ERN1: variants seen among roughly 807,000 people sequenced by gnomAD.
The protein encoded by ERN1 is serine/threonine-protein kinase/endoribonuclease IRE1.
In ERN1, 39 loss-of-function variants were observed where a neutral mutation model predicts 113.1. The ratio of observed to expected loss-of-function variants is 0.34; its 90% CI spans 0.27 to 0.45. ERN1 has a LOEUF of 0.45. ERN1 is among the 20% of genes least tolerant of loss of function. The pLI is 1.00. For synonymous variants in ERN1, 507 were observed against 515.9 expected (o/e 0.98, Z 0.23); for missense variants, 976 against 1,274.8 (o/e 0.77, Z 3.57).
intron 1 of ERN1, among the ~76,000 whole-genome samples, chr17:64,127,968 C>A (rs1401736859): frequency 6.6e-6 from 1 of 151,578 alleles, no homozygotes; most frequent in Admixed American, 6.6e-5. Flanking sequence ...GGGGTAAAAA[C>A]CCTTGGGAGA....
chr17:64,103,629 G>A, intron 1 of ERN1, among the ~76,000 whole-genome samples: 1 of 152,042 alleles, frequency 6.6e-6, no homozygotes, highest in East Asian at 1.9e-4. Flanking sequence ...ATGATTGAAA[G>A]GTACATCACC....
intron 2 of ERN1, among the ~76,000 whole-genome samples, chr17:64,095,463 C>T (rs1270775352): frequency 1.3e-5 from 2 of 152,042 alleles, no homozygotes; most frequent in Admixed American, 1.3e-4. Flanking sequence ...AATTATTAGA[C>T]CTTAATTGGA....
rs1913921675 is a variant in ERN1, at chr17:64,086,285, C to G, written c.176-5477G>C. ...CACCCTAAAACATTTTTTCACATCC[C>G]TTTGGATTCAGTATTTCCAAATCTT... On this transcript the variant is annotated intron_variant, in intron 2 of 21. Transcript: ENST00000433197. Among the ~76,000 whole-genome samples the G allele has an allele frequency of 3.3e-5, 5 of 152,210 alleles. No homozygotes were observed. In the South Asian group the frequency reaches 1.0e-3, roughly 31 times the overall value.
chr17:64,092,058 C>G (rs1259865516), intron 2 of ERN1, among the ~76,000 whole-genome samples: 2 of 152,014 alleles, frequency 1.3e-5, no homozygotes, highest in African/African-American at 2.4e-5. Context: ...GGGGGTGTAT[C>G]TGAGGGCAGT....
Position 64,045,423 on chromosome 17 carries a change from C to T in ERN1, c.2589G>A (p.Glu863=). The T allele has an allele frequency of 6.2e-7, 1 of 1,614,034 alleles. No individual in the cohort carries two copies. Among genetic ancestry groups the T allele is most frequent in the South Asian group, 1.1e-5 (1 of 91,080 alleles). The part of the protein sequence containing the change: ...SLDGPIVKQL[E]RGGRAVVKMD... ...TCTTCACCACGGCTCTCCCGCCTCTCTCTAACTGCTTCACGATCGGGCCAT... is the reference window on the plus strand; with the variant it reads ...TCTTCACCACGGCTCTCCCGCCTCTTTCTAACTGCTTCACGATCGGGCCAT... The change falls in exon 20 of 22, where the codon GAG becomes GAA. Residue 863 remains glutamate, a synonymous_variant. Coordinates refer to ENST00000433197, the MANE Select transcript of ERN1 (RefSeq NM_001433.5).
At chr17:64,118,621 G>T (rs1914872694) in intron 1 of ERN1, among the ~76,000 whole-genome samples, 1 of 152,140 alleles carries the variant, frequency 6.6e-6, no homozygotes, top group African/African-American at 2.4e-5. Context: ...TTTGGATTTG[G>T]TCCAGCCCAC....
In ERN1 at chr17:64,040,027, G is replaced by C. The variant is rs576265250; in HGVS notation, c.*3961C>G. The stretch of plus-strand genomic sequence containing the variant: ...GTTTAAAAGATGATGTCCAACCTGG[G>C]AGGGTGGAATTTCGGCTCACCTGGA... On this transcript the variant is annotated 3_prime_UTR_variant, in exon 22 of 22. Transcript: ENST00000433197. The C allele has an allele frequency of 6.6e-6, 1 of 152,348 alleles. No homozygotes were observed. Among genetic ancestry groups the C allele is most frequent in the East Asian group, 1.9e-4 (1 of 5,184 alleles). The allele number at this position is 152,348 out of a possible 1,614,324, so 9.4% of individuals were successfully genotyped here.
In ERN1 at chr17:64,064,080, C is replaced by G. The variant is rs1598053973; in HGVS notation, c.993G>C (p.Glu331Asp). Residue 331 changes from glutamate to aspartate, a missense_variant, in exon 10 of 22, where the codon GAG becomes GAC. Coordinates refer to ENST00000433197, the MANE Select transcript of ERN1 (RefSeq NM_001433.5). ...CGTCCGTGCTGGGCGTGATCACACA[C>G]TCCCCCTTGTCCCCAATGGTGACGC... ...TDGVTIGDKG[E>D]CVITPSTDVK... 1 of 1,613,494 alleles carries G rather than the reference C, an allele frequency of 6.2e-7. No homozygotes were observed. The highest frequency in any genetic ancestry group is 2.2e-5 in the East Asian group (1 of 44,878).
At chr17:64,128,104 C>T (rs1427324925) in intron 1 of ERN1, among the ~76,000 whole-genome samples, 2 of 151,794 alleles carry the variant, frequency 1.3e-5, no homozygotes, top group Non-Finnish European at 2.9e-5. Context: ...GGGTGATTCT[C>T]CTGCCTCAGC....
intron 19 of ERN1, 142 bp from the exon 20 acceptor site, chr17:64,045,624 T>A: frequency 1.0e-6 from 1 of 963,790 alleles, no homozygotes; most frequent in South Asian, 1.5e-5. Flanking sequence ...CCTCCCTCCC[T>A]CATCCATGAC....
At chr17:64,047,223 G>A (rs196921) in intron 19 of ERN1, among the ~76,000 whole-genome samples, 143,344 of 152,196 alleles carry the variant, frequency 0.94, 68,146 homozygotes, top group East Asian at 1. Flanking sequence ...TTAGGCAGGC[G>A]TGGTGGTGCA....
At chr17:64,068,762 C>T (rs1234670932) in intron 6 of ERN1, among the ~76,000 whole-genome samples, 1 of 152,118 alleles carries the variant, frequency 6.6e-6, no homozygotes, top group East Asian at 1.9e-4. Flanking sequence ...GGGGGCACTG[C>T]TATTGAAAAT....
intron 2 of ERN1, among the ~76,000 whole-genome samples, chr17:64,094,691 C>A (rs1462994053): frequency 1.3e-5 from 2 of 151,588 alleles, no homozygotes; most frequent in African/African-American, 4.9e-5. Flanking sequence ...TACAAGACTC[C>A]CTTGCCTCCT....
Position 64,129,998 on chromosome 17 carries a change from G to A in ERN1, c.32C>T (p.Thr11Met). 6.9e-7 allele frequency: 1 copy of A among 1,448,086 alleles called. No homozygotes were observed. The highest frequency in any genetic ancestry group is 9.0e-7 in the Non-Finnish European group (1 of 1,106,020). The allele number at this position is 1,448,086 out of a possible 1,614,324, so 89.7% of individuals were successfully genotyped here. The change falls in exon 1 of 22, where the codon ACG becomes ATG. Residue 11 changes from threonine to methionine, a missense_variant. Around this residue, in one of 5 missense-constraint regions of ERN1, gnomAD observed 459 missense variants for 581.2 expected, o/e 0.79. Coordinates refer to ENST00000433197, the MANE Select transcript of ERN1 (RefSeq NM_001433.5). MPARRLLLLL[T>M]LLLPGLGIFG... ...CACCCCGAGGCCGGGCAGCAGCAGC[G>A]TCAGCAGCAGCAGCAGCCGCCGGGC...
At chr17:64,055,376 G>T (rs937823864) in intron 13 of ERN1, among the ~76,000 whole-genome samples, 1 of 152,208 alleles carries the variant, frequency 6.6e-6, no homozygotes, top group Non-Finnish European at 1.5e-5. Flanking sequence ...TTGGCCACCG[G>T]CTGGCCCTGG....
chr17:64,116,668 C>T (rs1179377246), intron 1 of ERN1, among the ~76,000 whole-genome samples: 1 of 151,906 alleles, frequency 6.6e-6, no homozygotes, highest in African/African-American at 2.4e-5. Flanking sequence ...CACACACACA[C>T]ACACACAAAC....
intron 5 of ERN1, 41 bp from the exon 6 acceptor site, chr17:64,072,144 GA>G (rs779607395): frequency 1.2e-6 from 2 of 1,605,616 alleles, no homozygotes; most frequent in South Asian, 1.1e-5. Context: ...ACACCATATG[GA>G]AAAAAGTATC....
intron 4 of ERN1, among the ~76,000 whole-genome samples, chr17:64,077,946 C>CATGTTAGCCAGG (rs1423016987): frequency 6.6e-6 from 1 of 152,036 alleles, no homozygotes; most frequent in East Asian, 1.9e-4. Context: ...GGGGTTTCAC[C>CATGTTAGCCAGG]ATGGTCTCGA....
chr17:64,092,130 C>CA (rs1483024527), intron 2 of ERN1, among the ~76,000 whole-genome samples: 1 of 152,134 alleles, frequency 6.6e-6, no homozygotes, highest in African/African-American at 2.4e-5. Flanking sequence ...GAGGCTGCTG[C>CA]ATTCACCTAG....
Sources: gnomAD v4.1 joint callset for allele counts (sites outside exome capture counted in the v4.1 genomes callset) on GRCh38, gnomAD v4.1.1 for gene constraint, gnomAD v4.1.1 regional missense constraint, MANE v1.5 for transcripts, NCBI Gene and HGNC (gene_info 2026-07-23, HGNC 2026-07-21) for gene names.